Variants in PPARGC1A observed in about 807,000 individuals in gnomAD.
PPARGC1A encodes the protein PPARG coactivator 1 alpha, also known as peroxisome proliferator-activated receptor gamma coactivator 1-alpha.
A neutral mutation model predicts 88.7 loss-of-function variants in PPARGC1A; 25 were observed. The ratio of observed to expected loss-of-function variants is 0.28; its 90% confidence interval spans 0.21 to 0.39. The LOEUF (loss-of-function observed/expected upper bound fraction) is 0.39, where lower values mean the gene tolerates loss of function less well. PPARGC1A is among the 10% of genes least tolerant of loss of function. The probability of loss-of-function intolerance (pLI) is 1.00; values close to 1 mark genes in which losing one functional copy is unlikely to be tolerated. For synonymous variants in PPARGC1A, 363 were observed against 355.6 expected (o/e 1.02, Z -0.24); for missense variants, 880 against 968.7 (o/e 0.91, Z 1.22).
chr4:24,119,591 T>A, the PPARGC1A span, among the ~76,000 whole-genome samples: 2 of 152,168 alleles, frequency 1.3e-5, no homozygotes, highest in African/African-American at 4.8e-5. Context: ...AGTGTTACAA[T>A]AATATACTAA....
chr4:24,174,644 C>A, the PPARGC1A span, among the ~76,000 whole-genome samples: 1 of 152,140 alleles, frequency 6.6e-6, no homozygotes, highest in South Asian at 2.1e-4. Context: ...CAAAGCTCAG[C>A]GAGGTAAGTG....
At chr4:23,950,735 G>C in the PPARGC1A span, among the ~76,000 whole-genome samples, 5 of 152,102 alleles carry the variant, frequency 3.3e-5, no homozygotes, top group African/African-American at 9.7e-5. Flanking sequence ...GATAATCGTG[G>C]TTAGTTCTCT....
the PPARGC1A span, among the ~76,000 whole-genome samples, chr4:24,041,235 A>T: frequency 6.6e-6 from 1 of 152,214 alleles, no homozygotes; most frequent in Non-Finnish European, 1.5e-5. Context: ...GGAAGGCACT[A>T]ACAATAGAGC....
the PPARGC1A span, among the ~76,000 whole-genome samples, chr4:24,343,015 A>C: frequency 6.6e-6 from 1 of 152,220 alleles, no homozygotes; most frequent in African/African-American, 2.4e-5. Context: ...TGAGTTTCAA[A>C]CTAAGCTCTG....
At chr4:23,966,457 A>T in the PPARGC1A span, among the ~76,000 whole-genome samples, 1 of 152,244 alleles carries the variant, frequency 6.6e-6, no homozygotes, top group Non-Finnish European at 1.5e-5. Context: ...AGCAGCTACC[A>T]CATGGACAGG....
chr4:24,074,748 G>A, the PPARGC1A span, among the ~76,000 whole-genome samples: 1 of 152,042 alleles, frequency 6.6e-6, no homozygotes, highest in Non-Finnish European at 1.5e-5. Context: ...GTGGTGGGAT[G>A]CAATATTTGG....
the PPARGC1A span, among the ~76,000 whole-genome samples, chr4:23,909,603 A>G: frequency 6.6e-6 from 1 of 151,898 alleles, no homozygotes; most frequent in South Asian, 2.1e-4. Flanking sequence ...AGTGACAGGC[A>G]GAAGGAGGAG....
chr4:23,911,061 T>C, the PPARGC1A span, among the ~76,000 whole-genome samples: 33,900 of 151,994 alleles, frequency 0.22, 4,347 homozygotes, highest in East Asian at 0.36. Flanking sequence ...GATCCTGGTT[T>C]CCCTGCAGCC....
chr4:24,050,409 G>C, the PPARGC1A span, among the ~76,000 whole-genome samples: 1 of 151,760 alleles, frequency 6.6e-6, no homozygotes, highest in Admixed American at 6.6e-5. Context: ...TGTTGGTCAG[G>C]GTGGTCTCTA....
chr4:23,848,163 A>G (rs1728646453), intron 2 of PPARGC1A, among the ~76,000 whole-genome samples: 1 of 152,244 alleles, frequency 6.6e-6, no homozygotes, highest in Admixed American at 6.5e-5. Context: ...GTTAAGCAGC[A>G]TTATATAAAA....
chr4:24,027,196 A>AGTGTGTGTGTGTGTGTGTGTGTGTGT, the PPARGC1A span, among the ~76,000 whole-genome samples: 239 of 133,414 alleles, frequency 1.8e-3, 1 homozygote, highest in Non-Finnish European at 2.5e-3. Flanking sequence ...ACCTCAGGCT[A>AGTGTGTGTGTGTGTGTGTGTGTGTGT]GTGTGTGTGT....
chr4:23,795,366 T>A lies in PPARGC1A; in HGVS notation c.*456A>T, dbSNP rs924691765. The A allele has an allele frequency of 6.7e-6, 1 of 149,486 alleles. No individual in the cohort carries two copies. Among genetic ancestry groups the A allele is most frequent in the Admixed American group, 6.7e-5 (1 of 14,842 alleles). The allele number at this position is 149,486 out of a possible 1,614,324, so 9.3% of individuals were successfully genotyped here. A position where few individuals can be genotyped will look rare whatever the true frequency, so the allele number is the denominator to read the frequency against. Reference sequence around the variant, plus strand: ...ATAGAATACGAACATTTTGAAGTTCTAGGTTTTAAGCGTGTCTTCATGGAA... The same window carrying A: ...ATAGAATACGAACATTTTGAAGTTCAAGGTTTTAAGCGTGTCTTCATGGAA... On this transcript the variant is annotated 3_prime_UTR_variant, in exon 13 of 13. Transcript: ENST00000264867.
the PPARGC1A span, among the ~76,000 whole-genome samples, chr4:24,193,857 G>A: frequency 6.6e-6 from 1 of 152,128 alleles, no homozygotes. Context: ...GGCCAGGCAT[G>A]GTAGCTCATG....
At chr4:23,904,146 G>A (rs989554167), upstream of PPARGC1A, 19 of 640,750 alleles carry the variant, frequency 3.0e-5, no homozygotes, top group African/African-American at 3.4e-4. Context: ...ACGTGGGAGG[G>A]CATCTCAGAG....
the PPARGC1A span, among the ~76,000 whole-genome samples, chr4:24,424,783 T>G: frequency 6.6e-6 from 1 of 152,164 alleles, no homozygotes. Flanking sequence ...CATTGAAAAA[T>G]CTATATAATG....
At chr4:24,148,615 A>G in the PPARGC1A span, among the ~76,000 whole-genome samples, 1 of 152,210 alleles carries the variant, frequency 6.6e-6, no homozygotes, top group Admixed American at 6.5e-5. Context: ...CATAGAACAA[A>G]ATGTTATGAA....
intron 2 of PPARGC1A, among the ~76,000 whole-genome samples, chr4:23,868,421 A>G (rs1035066788): frequency 1.3e-5 from 2 of 152,092 alleles, no homozygotes; most frequent in Non-Finnish European, 2.9e-5. Context: ...AATGGCTGGG[A>G]AGGTCATGTT....
chr4:23,880,083 G>C (rs968931533), intron 2 of PPARGC1A: 1 of 151,900 alleles, frequency 6.6e-6, no homozygotes, highest in African/African-American at 2.4e-5. Context: ...ATGCATACAC[G>C]AGCTCGCAAT....
chr4:24,371,665 GCGCGGT>G, the PPARGC1A span, among the ~76,000 whole-genome samples: 3 of 152,006 alleles, frequency 2.0e-5, no homozygotes, highest in African/African-American at 7.3e-5. Context: ...TAGGGGCAGG[GCGCGGT>G]GGCTCATGCC....
Sources: gnomAD v4.1 joint callset for allele counts (sites outside exome capture counted in the v4.1 genomes callset) on GRCh38, gnomAD v4.1.1 for gene constraint, MANE v1.5 for transcripts, NCBI Gene and HGNC (gene_info 2026-07-23, HGNC 2026-07-21) for gene names.